Variants in DAB1 observed in about 807,000 individuals in gnomAD.
DAB1 encodes disabled homolog 1.
In DAB1, 15 loss-of-function variants were observed where a neutral mutation model predicts 64.6. That is an observed-to-expected ratio of 0.23 (90% CI 0.16 to 0.36). The LOEUF (loss-of-function observed/expected upper bound fraction) is 0.36. Ranked by LOEUF, DAB1 falls within the 10% of genes least tolerant of loss-of-function variation. The pLI, the probability that DAB1 is intolerant of heterozygous loss-of-function variation, is 1.00. For missense variants in DAB1, 596 were observed against 706.7 expected, an observed-to-expected ratio of 0.84 and a Z score of 1.78; for synonymous variants, 235 against 251.9, an observed-to-expected ratio of 0.93 and a Z score of 0.64.
chr1:57,751,598 G>C (rs1557460257), intron 6 of DAB1, among the ~76,000 whole-genome samples: 1 of 152,086 alleles, frequency 6.6e-6, no homozygotes, highest in Non-Finnish European at 1.5e-5. Context: ...CAGAAGATTA[G>C]GGTGAGGATG....
At chr1:57,963,665 A>C (rs921525219) in intron 5 of DAB1, among the ~76,000 whole-genome samples, 1 of 152,094 alleles carries the variant, frequency 6.6e-6, no homozygotes, top group Non-Finnish European at 1.5e-5. Context: ...AATTCTAGAC[A>C]CCCTGCGTCA....
At chr1:57,958,633 A>G (rs1645446064) in intron 5 of DAB1, among the ~76,000 whole-genome samples, 1 of 152,186 alleles carries the variant, frequency 6.6e-6, no homozygotes. Context: ...AGTGCCACTA[A>G]CTGGGTGGCT....
Position 57,477,291 on chromosome 1 carries a change from C to A in DAB1, n.625+172301G>T, listed in dbSNP as rs544484774. 7.9e-5 allele frequency among the ~76,000 whole-genome samples: 12 copies of A among 152,274 alleles called. No homozygotes were observed. The East Asian group carries it at 1.5e-3, about 20-fold the overall frequency. ...GTGTGCACTCACATGCACACACAGA[C>A]CCCTAAAACCAGAGTTTAATAAAAC... On this transcript the variant is annotated intron_variant and non_coding_transcript_variant, in intron 7 of 20. Coordinates refer to the DAB1 transcript ENST00000485760.
At chr1:57,073,903 G>T (rs773715427) in intron 4 of DAB1, among the ~76,000 whole-genome samples, 1 of 152,114 alleles carries the variant, frequency 6.6e-6, no homozygotes, top group Non-Finnish European at 1.5e-5. Context: ...TTGAGACAGG[G>T]TCTCACCCTG....
At position 57,555,244 on chromosome 1, in the gene DAB1, A is replaced by C. The variant is rs1489593718; in HGVS notation, n.625+94348T>G. ...GAGGCTGGGTTTCACCATGTTGGCC[A>C]GGATGGTCTCCATCTCTTGACCTTG... is the stretch of plus-strand genomic sequence containing the variant. On this transcript the variant is annotated intron_variant and non_coding_transcript_variant, in intron 7 of 20. Transcript: ENST00000485760. Among the ~76,000 whole-genome samples, 3 of 151,904 alleles carry C rather than the reference A, an allele frequency of 2.0e-5. No individual in the cohort carries two copies. The East Asian group carries it at 5.8e-4, about 29-fold the overall frequency.
chr1:57,226,220 C>T (rs1490963106), intron 2 of DAB1, among the ~76,000 whole-genome samples: 2 of 152,194 alleles, frequency 1.3e-5, no homozygotes, highest in African/African-American at 4.8e-5. Context: ...AAATGCTTAT[C>T]GCTAGCAGAG....
At chr1:57,824,111 C>A (rs1252997811), downstream of DAB1, among the ~76,000 whole-genome samples, 2 of 152,160 alleles carry the variant, frequency 1.3e-5, no homozygotes, top group African/African-American at 4.8e-5. Flanking sequence ...TCTATTCAAC[C>A]ATCCCATGAG....
chr1:57,189,623 A>G (rs1663933989), intron 2 of DAB1, among the ~76,000 whole-genome samples: 1 of 152,052 alleles, frequency 6.6e-6, no homozygotes, highest in South Asian at 2.1e-4. Flanking sequence ...GCAGGTCACA[A>G]TGTCAAGCCT....
intron 2 of DAB1, among the ~76,000 whole-genome samples, chr1:57,201,516 C>T (rs975469350): frequency 6.6e-6 from 1 of 151,912 alleles, no homozygotes; most frequent in Non-Finnish European, 1.5e-5. Context: ...TGGGGAAGTC[C>T]ACTTTTCTAG....
chr1:58,084,008 C>T (rs1650154914), intron 5 of DAB1, among the ~76,000 whole-genome samples: 1 of 152,156 alleles, frequency 6.6e-6, no homozygotes, highest in African/African-American at 2.4e-5. Context: ...AAAATGTTCA[C>T]TGTGCCAGAG....
intron 5 of DAB1, among the ~76,000 whole-genome samples, chr1:57,954,454 C>T (rs1211847199): frequency 2.6e-5 from 4 of 152,048 alleles, no homozygotes; most frequent in Non-Finnish European, 4.4e-5. Context: ...GTGGTAGGTC[C>T]AGGAGTTACA....
chr1:58,107,213 C>A (rs1651699066), intron 5 of DAB1, among the ~76,000 whole-genome samples: 2 of 150,616 alleles, frequency 1.3e-5, no homozygotes, highest in African/African-American at 4.9e-5. Context: ...GTTATCCCAG[C>A]ACTTTGGGAG....
chr1:58,477,525 G>A (rs188476187), intron 3 of DAB1, among the ~76,000 whole-genome samples: 14 of 152,186 alleles, frequency 9.2e-5, no homozygotes, highest in African/African-American at 3.1e-4. Context: ...GTTGGATCCT[G>A]ATAGGTCCAA....
intron 1 of DAB1, among the ~76,000 whole-genome samples, chr1:58,531,122 C>T (rs189559262): frequency 1.1e-3 from 163 of 152,220 alleles, no homozygotes; most frequent in African/African-American, 3.9e-3. Flanking sequence ...AGAAATCAAA[C>T]CCGGTCAGTT....
chr1:57,059,733 A>T (rs1650189639), intron 9 of DAB1, among the ~76,000 whole-genome samples: 1 of 152,074 alleles, frequency 6.6e-6, no homozygotes, highest in South Asian at 2.1e-4. Flanking sequence ...AATTATGTTC[A>T]ATCATCTTTT....
rs1315578226 is a variant in DAB1 at position 58,320,571 on chromosome 1, C to G, written n.309+22781G>C. ...GACATGTCTGCAACCAAATCACATT[C>G]TCAAAGCACCTTCTAGGTTGCCAGT... On this transcript the variant is annotated intron_variant and non_coding_transcript_variant, in intron 4 of 20. Coordinates refer to the DAB1 transcript ENST00000485760. Among the ~76,000 whole-genome samples the G allele has an allele frequency of 2.6e-5, 4 of 152,200 alleles. No individual in the cohort carries two copies. In the East Asian group the frequency reaches 7.7e-4, roughly 29 times the overall value.
chr1:58,430,862 T>G (rs1320985636), intron 3 of DAB1, among the ~76,000 whole-genome samples: 1 of 152,228 alleles, frequency 6.6e-6, no homozygotes, highest in Non-Finnish European at 1.5e-5. Flanking sequence ...TGTGGCTCAG[T>G]GTGAGCGAGA....
intron 1 of DAB1, among the ~76,000 whole-genome samples, chr1:57,861,223 G>T (rs1224352953): frequency 6.6e-6 from 1 of 152,210 alleles, no homozygotes. Flanking sequence ...GACGGACCTT[G>T]TCTTAGTTTA....
chr1:58,384,194 T>C (rs1287186911), intron 3 of DAB1, among the ~76,000 whole-genome samples: 1 of 152,066 alleles, frequency 6.6e-6, no homozygotes, highest in Non-Finnish European at 1.5e-5. Context: ...CAATGGAACA[T>C]TATTCAGCCT....
Sources: allele counts gnomAD v4.1 joint callset (sites outside exome capture counted in the v4.1 genomes callset), GRCh38; gene constraint gnomAD v4.1.1; transcripts MANE v1.5; gene names NCBI Gene and HGNC (gene_info 2026-07-23, HGNC 2026-07-21).